The following KIRREL3 variants were observed in gnomAD, a reference collection of about 807,000 sequenced individuals.
KIRREL3 encodes the protein kirre like nephrin family adhesion molecule 3.
KIRREL3 carries 36 observed loss-of-function variants against 89.7 expected under a neutral mutation model. That is an observed-to-expected ratio of 0.40 (90% confidence interval 0.31 to 0.53). The LOEUF (loss-of-function observed/expected upper bound fraction) is 0.53. Ranked by LOEUF, KIRREL3 falls within the 20% of genes least tolerant of loss-of-function variation. The pLI, the probability that KIRREL3 is intolerant of heterozygous loss-of-function variation, is 0.49. For missense variants in KIRREL3, 864 were observed against 1,056.6 expected (o/e 0.82, Z 2.53); for synonymous variants, 445 against 441.4 (o/e 1.01, Z -0.10).
In KIRREL3 at chr11:126,953,441, T is replaced by G. The variant is rs1194213045; in HGVS notation, c.55+47014A>C. 6.6e-6 allele frequency among the ~76,000 whole-genome samples: 1 copy of G among 152,140 alleles called. No homozygotes were observed. The highest frequency in any genetic ancestry group is 1.5e-5 in the Non-Finnish European group (1 of 68,020). On this transcript the variant is annotated intron_variant, in intron 1 of 16. Transcript: ENST00000525144. This position sits in a 1 kb window ranked among gnomAD's most constrained non-coding sequence, Gnocchi z 5.2. ...GCATGTGTATACCTTTGTAACAAAC[T>G]GTACATTCTGCACAAGTATCCCAGA...
intron 1 of KIRREL3, among the ~76,000 whole-genome samples, chr11:126,799,192 C>CTG (rs1309376673): frequency 1.8e-5 from 1 of 54,254 alleles, no homozygotes; most frequent in African/African-American, 5.0e-5. Context: ...CTATGGGTAT[C>CTG]TGTGTGTGTG....
In KIRREL3 at chr11:126,763,728, T is replaced by C. The variant is rs911311460; in HGVS notation, c.56-200816A>G. 6.6e-6 allele frequency among the ~76,000 whole-genome samples: 1 copy of C among 152,180 alleles called. No individual in the cohort carries two copies. The highest frequency in any genetic ancestry group is 2.4e-5 in the African/African-American group (1 of 41,432). Reference sequence around the variant, plus strand: ...AGCCTTTGTTTTCTCACTTGTGAAATGGGGACAATAGAAACACCCCTCTCA... The same window carrying C: ...AGCCTTTGTTTTCTCACTTGTGAAACGGGGACAATAGAAACACCCCTCTCA... On this transcript the variant is annotated intron_variant, in intron 1 of 16. Transcript: ENST00000525144. This position sits in a 1 kb window ranked among gnomAD's most constrained non-coding sequence, Gnocchi z 4.7.
rs1422628044 is a variant in KIRREL3 at position 126,883,852 on chromosome 11, G to T, written c.55+116603C>A. 2.0e-5 allele frequency among the ~76,000 whole-genome samples: 3 copies of T among 152,110 alleles called. No individual in the cohort carries two copies. The East Asian group carries it at 5.8e-4, about 29-fold the overall frequency. ...AAAAATGGCCATCCTATATTACCCAGAATCAAAATTGGAATGGAGAGGTGG... is the reference window on the plus strand; with the variant it reads ...AAAAATGGCCATCCTATATTACCCATAATCAAAATTGGAATGGAGAGGTGG... On this transcript the variant is annotated intron_variant, in intron 1 of 16. Transcript: ENST00000525144. This position sits in a 1 kb window ranked among gnomAD's most constrained non-coding sequence, Gnocchi z 4.1.
Position 126,744,682 on chromosome 11 carries a change from T to C in KIRREL3, c.56-181770A>G, listed in dbSNP as rs1949086384. ...GGCGTGTGCCCCATGGTGCTGGCAA[T>C]AGTGTCTCGTGGAAACTAAGGACCC... On this transcript the variant is annotated intron_variant, in intron 1 of 16. Transcript: ENST00000525144. This position sits in a 1 kb window ranked among gnomAD's most constrained non-coding sequence, Gnocchi z 4.7. 6.6e-6 allele frequency among the ~76,000 whole-genome samples: 1 copy of C among 152,208 alleles called. No homozygotes were observed. The highest frequency in any genetic ancestry group is 1.5e-5 in the Non-Finnish European group (1 of 68,028).
In KIRREL3 at chr11:126,441,612, C is replaced by T. The variant is rs557752949; in HGVS notation, c.1253-1063G>A. ...CCAGAGGAAAGACAGCCGGGAGCAA[C>T]GCATCTGGAGAACACACAGAATTAT... On this transcript the variant is annotated intron_variant, in intron 10 of 16. Coordinates refer to ENST00000525144, the MANE Select transcript of KIRREL3 (RefSeq NM_032531.4). The surrounding 1 kb of genome is among the most constrained non-coding windows in gnomAD (Gnocchi z 5.0). 1.3e-5 allele frequency among the ~76,000 whole-genome samples: 2 copies of T among 152,280 alleles called. No individual in the cohort carries two copies. The highest frequency in any genetic ancestry group is 1.9e-4 in the East Asian group (1 of 5,184).
intron 1 of KIRREL3, among the ~76,000 whole-genome samples, chr11:126,712,078 G>T (rs1038259497): frequency 6.6e-6 from 1 of 152,160 alleles, no homozygotes; most frequent in Admixed American, 6.5e-5. Flanking sequence ...GTCCTCTTCC[G>T]ACATGAAAGA....
Position 126,807,392 on chromosome 11 carries a change from A to C in KIRREL3, c.55+193063T>G, listed in dbSNP as rs1951236782. Among the ~76,000 whole-genome samples the C allele has an allele frequency of 6.6e-6, 1 of 152,236 alleles. No homozygotes were observed. The highest frequency in any genetic ancestry group is 1.5e-5 in the Non-Finnish European group (1 of 68,048). On this transcript the variant is annotated intron_variant, in intron 1 of 16. Coordinates refer to ENST00000525144, the MANE Select transcript of KIRREL3 (RefSeq NM_032531.4). The surrounding 1 kb of genome is among the most constrained non-coding windows in gnomAD (Gnocchi z 4.3). ...TGGGGAATGAAACTCTGCCATGTAC[A>C]CATGTTCTAACCTGTATTTTGGCTT... is the stretch of plus-strand genomic sequence containing the variant.
chr11:126,841,678 A>T (rs939515), intron 1 of KIRREL3, among the ~76,000 whole-genome samples: 128,741 of 152,230 alleles, frequency 0.85, 54,625 homozygotes, highest in East Asian at 1. Flanking sequence ...TATCCATTAC[A>T]TTGCAATTAA....
In KIRREL3 at chr11:126,477,425, G is replaced by A. The variant is rs1054227967; in HGVS notation, c.434-3959C>T. Among the ~76,000 whole-genome samples, 2 of 152,144 alleles carry A rather than the reference G, an allele frequency of 1.3e-5. No homozygotes were observed. The highest frequency in any genetic ancestry group is 2.4e-5 in the African/African-American group (1 of 41,416). ...CTGCTGCCAAAGACAATGGGGTCTC[G>A]GGTGGACAGGTGGCATGGGGAGAGG... On this transcript the variant is annotated intron_variant, in intron 4 of 16. Coordinates refer to ENST00000525144, the MANE Select transcript of KIRREL3 (RefSeq NM_032531.4). The surrounding 1 kb of genome is among the most constrained non-coding windows in gnomAD (Gnocchi z 4.8).
intron 1 of KIRREL3, among the ~76,000 whole-genome samples, chr11:126,922,622 A>T (rs909946200): frequency 6.6e-6 from 1 of 151,830 alleles, no homozygotes; most frequent in East Asian, 1.9e-4. Context: ...TGTCAAGTTT[A>T]CCATCTCCCC....
At position 126,852,686 on chromosome 11, in the gene KIRREL3, G is replaced by A. The variant is rs563084265; in HGVS notation, c.55+147769C>T. Among the ~76,000 whole-genome samples, 10 of 152,296 alleles carry A rather than the reference G, an allele frequency of 6.6e-5. No homozygotes were observed. The Middle Eastern group carries it at 0.01, about 155-fold the overall frequency. ...TCCATATACAAATTTAAGACATTAC[G>A]TCTGAGCTGAAAACATGTGTTGTGC... On this transcript the variant is annotated intron_variant, in intron 1 of 16. Transcript: ENST00000525144.
At chr11:126,758,117 G>A (rs1308322825) in intron 1 of KIRREL3, among the ~76,000 whole-genome samples, 2 of 152,210 alleles carry the variant, frequency 1.3e-5, no homozygotes, top group Non-Finnish European at 2.9e-5. Flanking sequence ...ACTTAGTTGA[G>A]CTCTCCGATT....
intron 6 of KIRREL3, among the ~76,000 whole-genome samples, chr11:126,460,456 C>G (rs1479888904): frequency 1.3e-5 from 2 of 152,160 alleles, no homozygotes; most frequent in African/African-American, 4.8e-5. Context: ...CTAACCGGGT[C>G]AGTGCCACTC....
At chr11:126,469,217 G>A (rs1043012645) in intron 5 of KIRREL3, among the ~76,000 whole-genome samples, 2 of 152,230 alleles carry the variant, frequency 1.3e-5, no homozygotes, top group African/African-American at 2.4e-5. Context: ...CTGAGCCCAC[G>A]GGGATAATCA....
In KIRREL3 at chr11:126,668,731, T is replaced by TC. The variant is rs755983959; in HGVS notation, c.56-105820_56-105819insG. ...TTTCTTTCTTTCTTTCTTTCTTTCT[T>TC]TCTTTCTTTCTTTCTTTCTTTCTTT... On this transcript the variant is annotated intron_variant, in intron 1 of 16. Coordinates refer to ENST00000525144, the MANE Select transcript of KIRREL3 (RefSeq NM_032531.4). This position sits in a 1 kb window ranked among gnomAD's most constrained non-coding sequence, Gnocchi z 4.4. Among the ~76,000 whole-genome samples, 2 of 125,366 alleles carry TC rather than the reference T, an allele frequency of 1.6e-5. No homozygotes were observed. The highest frequency in any genetic ancestry group is 1.8e-5 in the Non-Finnish European group (1 of 56,946). 82.2% of individuals were successfully genotyped at this position (125,366 alleles called of 152,430 possible).
At position 126,696,446 on chromosome 11, in the gene KIRREL3, T is replaced by G. The variant is rs964584842; in HGVS notation, c.56-133534A>C. On this transcript the variant is annotated intron_variant, in intron 1 of 16. Transcript: ENST00000525144. This position sits in a 1 kb window ranked among gnomAD's most constrained non-coding sequence, Gnocchi z 4.4. ...CCTGCCTTTGCCCAATCCCCAGCCT[T>G]CTATGAGATACCACATGCAGCCTGC... Among the ~76,000 whole-genome samples the G allele has an allele frequency of 3.3e-5, 5 of 151,960 alleles. No individual in the cohort carries two copies. Among genetic ancestry groups the G allele is most frequent in the Non-Finnish European group, 5.9e-5 (4 of 67,978 alleles).
rs936953865 is a variant in KIRREL3, at chr11:126,492,127, G to T, written c.434-18661C>A. Among the ~76,000 whole-genome samples, 1 of 152,156 alleles carries T rather than the reference G, an allele frequency of 6.6e-6. No individual in the cohort carries two copies. The highest frequency in any genetic ancestry group is 2.4e-5 in the African/African-American group (1 of 41,432). On this transcript the variant is annotated intron_variant, in intron 4 of 16. Transcript: ENST00000525144. The surrounding 1 kb of genome is among the most constrained non-coding windows in gnomAD (Gnocchi z 4.8). ...TCCGGGCTTATAAAATGGACAAAAGGATAAGTTGCAGAGGGCCACCGAGGA... is the reference window on the plus strand; with the variant it reads ...TCCGGGCTTATAAAATGGACAAAAGTATAAGTTGCAGAGGGCCACCGAGGA...
intron 10 of KIRREL3, among the ~76,000 whole-genome samples, chr11:126,442,692 T>TC: frequency 6.6e-6 from 1 of 152,270 alleles, no homozygotes; most frequent in East Asian, 1.9e-4. Flanking sequence ...CCACTGGGCG[T>TC]CCCCCCTCCC....
At position 126,429,314 on chromosome 11, in the gene KIRREL3, A is replaced by T. The variant is rs778217107; in HGVS notation, c.1697-26T>A. 7.9e-6 allele frequency: 12 copies of T among 1,520,144 alleles called. No homozygotes were observed. Among genetic ancestry groups the T allele is most frequent in the African/African-American group, 6.8e-5 (5 of 73,006 alleles). The allele number at this position is 1,520,144 out of a possible 1,614,324, so 94.2% of individuals were successfully genotyped here. The stretch of plus-strand genomic sequence containing the variant: ...CTGGAGATAAAATAGTAAAGTGTAG[A>T]TGATAGATTTAGTTCTTACCTTTGA... On this transcript the variant is annotated intron_variant, in intron 14 of 16. Transcript: ENST00000525144. The surrounding 1 kb of genome is among the most constrained non-coding windows in gnomAD (Gnocchi z 5.2).
Sources: allele counts gnomAD v4.1 joint callset (sites outside exome capture counted in the v4.1 genomes callset), GRCh38; gene constraint gnomAD v4.1.1; non-coding constraint Gnocchi (gnomAD v3.1); transcripts MANE v1.5; gene names NCBI Gene and HGNC (gene_info 2026-07-23, HGNC 2026-07-21).